SUGCT: variants seen among roughly 807,000 people sequenced by gnomAD.
SUGCT encodes the protein succinyl-CoA:glutarate-CoA transferase.
In SUGCT, 41 loss-of-function variants were observed where a neutral mutation model predicts 55.0. The observed-to-expected ratio is 0.74, with a 90% CI of 0.58 to 0.97. The LOEUF is 0.97. SUGCT is among the 50% of genes least tolerant of loss of function. The pLI, the probability that SUGCT is intolerant of heterozygous loss-of-function variation, is 0.00. For synonymous variants in SUGCT, 187 were observed against 200.4 expected, an observed-to-expected ratio of 0.93 and a Z score of 0.56; for missense variants, 568 against 547.8, an observed-to-expected ratio of 1.04 and a Z score of -0.37.
chr7:40,759,975 G>T (rs1426182664), intron 13 of SUGCT, among the ~76,000 whole-genome samples: 1 of 152,030 alleles, frequency 6.6e-6, no homozygotes, highest in Non-Finnish European at 1.5e-5. Flanking sequence ...ACCAAAACAT[G>T]TGGACTACAT....
chr7:40,443,479 A>T (rs1003295108), intron 9 of SUGCT, among the ~76,000 whole-genome samples: 1 of 152,148 alleles, frequency 6.6e-6, no homozygotes, highest in African/African-American at 2.4e-5. Context: ...GCCAGTGATG[A>T]TGAGCATTTT....
chr7:40,964,393 TTAGA>T, the SUGCT span, among the ~76,000 whole-genome samples: 42 of 152,286 alleles, frequency 2.8e-4, no homozygotes, highest in Middle Eastern at 3.4e-3. Context: ...TGTGGGGATG[TTAGA>T]TTGAATGTAT....
At chr7:40,534,716 G>C (rs1239750679) in intron 12 of SUGCT, among the ~76,000 whole-genome samples, 1 of 152,142 alleles carries the variant, frequency 6.6e-6, no homozygotes, top group Non-Finnish European at 1.5e-5. Context: ...ACTGCGCCCG[G>C]CCTAAAATTT....
intron 12 of SUGCT, among the ~76,000 whole-genome samples, chr7:40,715,852 C>T (rs1785993976): frequency 1.3e-5 from 2 of 152,164 alleles, no homozygotes; most frequent in South Asian, 4.1e-4. Context: ...TTTCGCCCTC[C>T]CCTGTTTCCT....
At chr7:40,723,904 C>T (rs1364352549) in intron 12 of SUGCT, among the ~76,000 whole-genome samples, 1 of 152,192 alleles carries the variant, frequency 6.6e-6, no homozygotes, top group Non-Finnish European at 1.5e-5. Context: ...CCCTTGGAAA[C>T]TGCTGGTTGA....
chr7:41,026,164 A>T, the SUGCT span, among the ~76,000 whole-genome samples: 2 of 152,234 alleles, frequency 1.3e-5, no homozygotes, highest in Non-Finnish European at 2.9e-5. Flanking sequence ...CGACCTGCGT[A>T]GGTCTTCCTG....
At chr7:40,841,491 G>A (rs1793279376) in intron 13 of SUGCT, among the ~76,000 whole-genome samples, 1 of 152,120 alleles carries the variant, frequency 6.6e-6, no homozygotes, top group African/African-American at 2.4e-5. Flanking sequence ...CACAGGGAAT[G>A]TTTCAGTTAC....
At chr7:40,340,635 G>T (rs1365215347) in intron 9 of SUGCT, among the ~76,000 whole-genome samples, 2 of 152,180 alleles carry the variant, frequency 1.3e-5, no homozygotes, top group East Asian at 3.9e-4. Flanking sequence ...GCAAAAGATT[G>T]TTCAAGTGAG....
chr7:40,333,020 A>G (rs952498444), intron 9 of SUGCT, among the ~76,000 whole-genome samples: 1 of 152,204 alleles, frequency 6.6e-6, no homozygotes, highest in Non-Finnish European at 1.5e-5. Flanking sequence ...ATTTATATGC[A>G]TATTAGATAC....
chr7:40,661,345 A>G (rs1176645459), intron 12 of SUGCT, among the ~76,000 whole-genome samples: 2 of 152,136 alleles, frequency 1.3e-5, no homozygotes, highest in Admixed American at 1.3e-4. Flanking sequence ...GTACCTTCTG[A>G]AAGATTCAGT....
intron 7 of SUGCT, among the ~76,000 whole-genome samples, chr7:40,258,875 T>C (rs1297229286): frequency 6.6e-6 from 1 of 152,198 alleles, no homozygotes; most frequent in Non-Finnish European, 1.5e-5. Flanking sequence ...GGAAGAGATA[T>C]GTGCACTCCT....
At chr7:40,349,368 AAC>A (rs972440354) in intron 9 of SUGCT, among the ~76,000 whole-genome samples, 6 of 151,926 alleles carry the variant, frequency 3.9e-5, no homozygotes, top group African/African-American at 1.5e-4. Context: ...CTTTTTTTGT[AAC>A]AGAGTCTTGG....
At chr7:40,957,707 C>T in the SUGCT span, among the ~76,000 whole-genome samples, 108 of 151,534 alleles carry the variant, frequency 7.1e-4, 1 homozygote, top group Non-Finnish European at 1.1e-3. Context: ...CTGTCAATAA[C>T]CAGTTAGCTG....
intron 1 of SUGCT, among the ~76,000 whole-genome samples, chr7:40,178,018 G>A (rs181081528): frequency 5.3e-5 from 8 of 152,230 alleles, no homozygotes; most frequent in African/African-American, 1.2e-4. Flanking sequence ...CACAAAGTGC[G>A]GGGATTACAG....
At chr7:40,628,405 C>T (rs553654605) in intron 12 of SUGCT, among the ~76,000 whole-genome samples, 14 of 152,314 alleles carry the variant, frequency 9.2e-5, no homozygotes, top group African/African-American at 3.1e-4. Flanking sequence ...ACACTGTTCT[C>T]GTTTAGAACC....
chr7:40,355,750 T>A (rs1797856069), intron 9 of SUGCT, among the ~76,000 whole-genome samples: 2 of 152,328 alleles, frequency 1.3e-5, no homozygotes, highest in Non-Finnish European at 2.9e-5. Flanking sequence ...AAATTAGTGT[T>A]CCCTATCATT....
At chr7:40,314,019 T>C (rs1187603094) in intron 8 of SUGCT, among the ~76,000 whole-genome samples, 1 of 152,224 alleles carries the variant, frequency 6.6e-6, no homozygotes, top group East Asian at 1.9e-4. Context: ...GAAATGTATA[T>C]AGTATTCTAC....
At chr7:40,984,733 A>G in the SUGCT span, among the ~76,000 whole-genome samples, 4 of 152,174 alleles carry the variant, frequency 2.6e-5, no homozygotes, top group South Asian at 6.2e-4. Flanking sequence ...GATTTGGACA[A>G]TGTCGGTGGA....
In SUGCT at chr7:40,860,509, C is replaced by T. The variant is rs748575122; in HGVS notation, c.*30C>T. 1.1e-5 allele frequency: 18 copies of T among 1,594,992 alleles called. No individual in the cohort carries two copies. The East Asian group carries it at 2.2e-4, about 20-fold the overall frequency. ...GGAAAAGGGCTCTTCCTCATAACCTCGATCCGAATACACTGGCAAAGGCAA... is the reference window on the plus strand; with the variant it reads ...GGAAAAGGGCTCTTCCTCATAACCTTGATCCGAATACACTGGCAAAGGCAA... On this transcript the variant is annotated 3_prime_UTR_variant, in exon 14 of 14. Coordinates refer to ENST00000335693, the MANE Select transcript of SUGCT (RefSeq NM_001193313.2).
Sources: gnomAD v4.1 joint callset for allele counts (sites outside exome capture counted in the v4.1 genomes callset) on GRCh38, gnomAD v4.1.1 for gene constraint, MANE v1.5 for transcripts, NCBI Gene and HGNC (gene_info 2026-07-23, HGNC 2026-07-21) for gene names.